Variants in DOK5 observed in about 807,000 individuals in gnomAD.
DOK5 encodes docking protein 5, also known as downstream of tyrosine kinase 5.
A neutral mutation model predicts 43.3 loss-of-function variants in DOK5; 27 were observed. That is an observed-to-expected ratio of 0.62 (90% confidence interval 0.46 to 0.86). The LOEUF (loss-of-function observed/expected upper bound fraction) is 0.86. Ranked by LOEUF, DOK5 falls within the 40% of genes least tolerant of loss-of-function variation. The pLI is 0.00. For missense variants in DOK5, 373 were observed against 392.9 expected (o/e 0.95, Z 0.43); for synonymous variants, 146 against 140.1 (o/e 1.04, Z -0.30).
At chr20:54,606,579 CT>C (rs1404279218) in intron 5 of DOK5, among the ~76,000 whole-genome samples, 7 of 152,124 alleles carry the variant, frequency 4.6e-5, no homozygotes, top group African/African-American at 1.7e-4. Flanking sequence ...TTTTCACTTC[CT>C]TTTTTTGGTT....
chr20:54,630,652 A>G (rs1978520846), intron 6 of DOK5, among the ~76,000 whole-genome samples: 1 of 152,134 alleles, frequency 6.6e-6, no homozygotes, highest in African/African-American at 2.4e-5. Context: ...CCTTGTTTTT[A>G]CGATCGTTTC....
intron 2 of DOK5, among the ~76,000 whole-genome samples, chr20:54,571,009 G>A (rs1985264607): frequency 6.6e-6 from 1 of 152,112 alleles, no homozygotes; most frequent in South Asian, 2.1e-4. Context: ...TAAGACATCT[G>A]GAGTATGGCT....
At chr20:54,550,538 C>T (rs1170763811) in intron 1 of DOK5, among the ~76,000 whole-genome samples, 1 of 152,214 alleles carries the variant, frequency 6.6e-6, no homozygotes, top group Non-Finnish European at 1.5e-5. Context: ...GGCTCCCTCT[C>T]TCCTCCACCA....
chr20:54,529,679 T>C (rs1983700785), intron 1 of DOK5, among the ~76,000 whole-genome samples: 1 of 152,220 alleles, frequency 6.6e-6, no homozygotes, highest in Non-Finnish European at 1.5e-5. Context: ...AACGTTTTCA[T>C]CATTCCATAG....
intron 1 of DOK5, among the ~76,000 whole-genome samples, chr20:54,513,445 G>C (rs1259679752): frequency 1.1e-5 from 1 of 94,430 alleles, no homozygotes; most frequent in African/African-American, 4.4e-5. Flanking sequence ...TTGCTTGTTT[G>C]CTTTAAATAC....
chr20:54,614,552 T>C (rs1986748209), intron 6 of DOK5, among the ~76,000 whole-genome samples: 1 of 152,232 alleles, frequency 6.6e-6, no homozygotes, highest in African/African-American at 2.4e-5. Context: ...GGGTTCTGCA[T>C]GCTCATGCAC....
At chr20:54,488,781 CGT>C (rs10599710) in intron 1 of DOK5, among the ~76,000 whole-genome samples, 6 of 121,822 alleles carry the variant, frequency 4.9e-5, no homozygotes, top group African/African-American at 8.2e-5. Flanking sequence ...TCCCTCCCCT[CGT>C]CCCTCCCTCC....
intron 5 of DOK5, among the ~76,000 whole-genome samples, chr20:54,607,895 ACAAAACAAAAC>A (rs1430307519): frequency 1.3e-5 from 1 of 75,448 alleles, no homozygotes; most frequent in African/African-American, 3.2e-4. Flanking sequence ...ACAAAACAAA[ACAAAACAAAAC>A]AAAACAAAAC....
intron 5 of DOK5, among the ~76,000 whole-genome samples, chr20:54,597,484 T>C (rs1986178900): frequency 6.6e-6 from 1 of 152,180 alleles, no homozygotes; most frequent in African/African-American, 2.4e-5. Flanking sequence ...CCTTACTATA[T>C]GAAAGCCTCT....
chr20:54,650,629 A>C lies in DOK5; in HGVS notation c.*150A>C. 1 of 606,256 alleles carries C rather than the reference A, an allele frequency of 1.6e-6. No homozygotes were observed. The highest frequency in any genetic ancestry group is 3.0e-5 in the East Asian group (1 of 33,602). 37.6% of individuals were successfully genotyped at this position (606,256 alleles called of 1,614,324 possible). On this transcript the variant is annotated 3_prime_UTR_variant, in exon 8 of 8. Coordinates refer to ENST00000262593, the MANE Select transcript of DOK5 (RefSeq NM_018431.5). ...TGTGGTCATTGGAAAACTCTGCAAT[A>C]CAATAATTTTCTTTATTTTCTTTTT...
chr20:54,492,824 G>T (rs545377170), intron 1 of DOK5, among the ~76,000 whole-genome samples: 1 of 151,670 alleles, frequency 6.6e-6, no homozygotes, highest in African/African-American at 2.4e-5. Context: ...GAGGCCAAGG[G>T]GGGTGGATCA....
chr20:54,505,032 G>T (rs933428671), intron 1 of DOK5, among the ~76,000 whole-genome samples: 1 of 152,126 alleles, frequency 6.6e-6, no homozygotes, highest in African/African-American at 2.4e-5. Flanking sequence ...TCCCCAAGTG[G>T]TGTCTCCTGG....
chr20:54,542,724 G>A (rs1331212631), intron 1 of DOK5, among the ~76,000 whole-genome samples: 1 of 152,176 alleles, frequency 6.6e-6, no homozygotes, highest in African/African-American at 2.4e-5. Flanking sequence ...CTGCAAAATA[G>A]GTTACAACAT....
chr20:54,500,026 A>T (rs1483153154), intron 1 of DOK5, among the ~76,000 whole-genome samples: 1 of 152,192 alleles, frequency 6.6e-6, no homozygotes, highest in Non-Finnish European at 1.5e-5. Context: ...CCACTTGAAG[A>T]TTGTCTCTTT....
At chr20:54,507,621 T>A (rs893514393) in intron 1 of DOK5, among the ~76,000 whole-genome samples, 1 of 152,172 alleles carries the variant, frequency 6.6e-6, no homozygotes, top group Non-Finnish European at 1.5e-5. Flanking sequence ...AGGTGTTGAA[T>A]GATGAGGTGT....
At chr20:54,508,671 A>C (rs6098036) in intron 1 of DOK5, among the ~76,000 whole-genome samples, 8,421 of 151,850 alleles carry the variant, frequency 0.055, 754 homozygotes, top group African/African-American at 0.19. Flanking sequence ...ACCAGTGCCT[A>C]CTGGGTTCAA....
intron 5 of DOK5, among the ~76,000 whole-genome samples, chr20:54,607,403 G>GGTGTGTGTGTGT (rs10684906): frequency 0.012 from 1,719 of 145,596 alleles, 18 homozygotes; most frequent in Middle Eastern, 0.022. Flanking sequence ...AGTGGTAAGT[G>GGTGTGTGTGTGT]GTGTGTGTGT....
At chr20:54,604,781 A>G (rs1986411817) in intron 5 of DOK5, among the ~76,000 whole-genome samples, 1 of 152,008 alleles carries the variant, frequency 6.6e-6, no homozygotes, top group Admixed American at 6.6e-5. Flanking sequence ...TGGATGGATC[A>G]CCCGAGGTCA....
intron 2 of DOK5, among the ~76,000 whole-genome samples, chr20:54,580,226 A>AT (rs764680368): frequency 3.9e-5 from 6 of 152,028 alleles, no homozygotes; most frequent in Non-Finnish European, 5.9e-5. Flanking sequence ...GAGACACCAC[A>AT]TTTTCTTTAT....
Sources: allele counts gnomAD v4.1 joint callset (sites outside exome capture counted in the v4.1 genomes callset), GRCh38; gene constraint gnomAD v4.1.1; transcripts MANE v1.5; gene names NCBI Gene and HGNC (gene_info 2026-07-23, HGNC 2026-07-21).